The following ZNF385B variants were observed in gnomAD, a reference collection of about 807,000 sequenced individuals.
ZNF385B encodes the protein zinc finger protein 385B, also known as zinc finger protein 533.
ZNF385B carries 23 observed loss-of-function variants against 39.2 expected under a neutral mutation model. That is an observed-to-expected ratio of 0.59 (90% confidence interval 0.42 to 0.83). ZNF385B has a LOEUF of 0.83. ZNF385B is among the 40% of genes least tolerant of loss of function. The pLI is 0.00. For synonymous variants in ZNF385B, 205 were observed against 222.6 expected (o/e 0.92, Z 0.70); for missense variants, 552 against 598.9 (o/e 0.92, Z 0.82).
At chr2:179,757,437 C>G (rs1050167079) in intron 3 of ZNF385B, among the ~76,000 whole-genome samples, 2 of 152,182 alleles carry the variant, frequency 1.3e-5, no homozygotes, top group South Asian at 4.1e-4. Flanking sequence ...GCAGTCTGCC[C>G]GTTCTCAGGT....
chr2:179,493,782 C>CATATATGTATATGA lies in ZNF385B; in HGVS notation c.553-10349_553-10348insTCATATACATATAT, dbSNP rs1559338426. Among the ~76,000 whole-genome samples, 5 of 89,526 alleles carry CATATATGTATATGA rather than the reference C, an allele frequency of 5.6e-5. 1 individual carries two copies. Among genetic ancestry groups the CATATATGTATATGA allele is most frequent in the South Asian group, 3.9e-4 (1 of 2,576 alleles). The allele number at this position is 89,526 out of a possible 152,430, so 58.7% of individuals were successfully genotyped here. ...ATATATGTATACATATATGTATATA[C>CATATATGTATATGA]ACATATGTATACATATATGTATATA... On this transcript the variant is annotated intron_variant, in intron 5 of 9. Transcript: ENST00000410066.
rs116818695 is a variant in ZNF385B, at chr2:179,489,192, C to T, written c.553-5758G>A. 2.0e-3 allele frequency among the ~76,000 whole-genome samples: 311 copies of T among 152,290 alleles called. 3 individuals are homozygous for T. The highest frequency in any genetic ancestry group is 7.3e-3 in the African/African-American group (303 of 41,556). On this transcript the variant is annotated intron_variant, in intron 5 of 9. Coordinates refer to ENST00000410066, the MANE Select transcript of ZNF385B (RefSeq NM_152520.6). Reference sequence around the variant, plus strand: ...AAGGTATTACGGGCAAAGGGAACAACATGTGCTAGGGCACTGAGTCCTGTG... The same window carrying T: ...AAGGTATTACGGGCAAAGGGAACAATATGTGCTAGGGCACTGAGTCCTGTG...
At chr2:179,756,538 TGGG>T (rs1703033360) in intron 3 of ZNF385B, among the ~76,000 whole-genome samples, 1 of 152,224 alleles carries the variant, frequency 6.6e-6, no homozygotes, top group African/African-American at 2.4e-5. Flanking sequence ...CTTGCTAGGT[TGGG>T]GAAGTTCTCC....
intron 8 of ZNF385B, 84 bp from the exon 9 acceptor site, chr2:179,445,061 T>C (rs2049335612): frequency 8.6e-7 from 1 of 1,163,908 alleles, no homozygotes; most frequent in Non-Finnish European, 1.3e-6. Flanking sequence ...ATTTTCTCCA[T>C]TGCCAACTCT....
At chr2:179,527,920 G>C (rs1000732160) in intron 4 of ZNF385B, among the ~76,000 whole-genome samples, 1 of 151,470 alleles carries the variant, frequency 6.6e-6, no homozygotes, top group Non-Finnish European at 1.5e-5. Flanking sequence ...TATTTTCAGA[G>C]GGTTGTAAGT....
At chr2:179,701,853 G>A (rs1327098279) in intron 3 of ZNF385B, among the ~76,000 whole-genome samples, 1 of 152,098 alleles carries the variant, frequency 6.6e-6, no homozygotes, top group African/African-American at 2.4e-5. Context: ...CTAGAAAATA[G>A]GTACATCTCT....
In ZNF385B at chr2:179,829,805, G is replaced by A. The variant is rs755202797; in HGVS notation, c.-155+31296C>T. Among the ~76,000 whole-genome samples the A allele has an allele frequency of 4.6e-5, 7 of 152,158 alleles. No individual in the cohort carries two copies. The East Asian group carries it at 9.6e-4, about 21-fold the overall frequency. ...TGGGATTACAGGCGTGACCCACCGC[G>A]CCCGGCCTGGATATGACTTTTTAGA... On this transcript the variant is annotated intron_variant, in intron 1 of 9. Coordinates refer to ENST00000410066, the MANE Select transcript of ZNF385B (RefSeq NM_152520.6).
At chr2:179,778,704 C>T (rs934031132) in intron 1 of ZNF385B, among the ~76,000 whole-genome samples, 1 of 152,100 alleles carries the variant, frequency 6.6e-6, no homozygotes, top group African/African-American at 2.4e-5. Context: ...CATCTAGACA[C>T]ATTTTTGAAA....
At chr2:179,451,531 T>C (rs2050157237) in intron 6 of ZNF385B, among the ~76,000 whole-genome samples, 1 of 152,072 alleles carries the variant, frequency 6.6e-6, no homozygotes, top group Non-Finnish European at 1.5e-5. Context: ...GTTTAACACT[T>C]ACATGGTCTA....
chr2:179,845,920 C>T (rs1468217589), intron 1 of ZNF385B, among the ~76,000 whole-genome samples: 1 of 152,188 alleles, frequency 6.6e-6, no homozygotes, highest in South Asian at 2.1e-4. Flanking sequence ...TGTCATGTGG[C>T]TAGCAGGACT....
rs558576390 is a variant in ZNF385B at position 179,627,420 on chromosome 2, G to A, written c.299-82451C>T. Among the ~76,000 whole-genome samples the A allele has an allele frequency of 2.6e-5, 4 of 152,312 alleles. No individual in the cohort carries two copies. The South Asian group carries it at 8.3e-4, about 32-fold the overall frequency. ...CTGATTTAATCCTTGTCTTGATGTA[G>A]TAGGAATTATCCTCATTTTAAGAGG... On this transcript the variant is annotated intron_variant, in intron 3 of 9. Transcript: ENST00000410066.
In ZNF385B at chr2:179,553,241, T is replaced by A. The variant is rs1312988457; in HGVS notation, c.299-8272A>T. Among the ~76,000 whole-genome samples, 8 of 149,000 alleles carry A rather than the reference T, an allele frequency of 5.4e-5. 1 individual carries two copies. The highest frequency in any genetic ancestry group is 2.0e-4 in the Admixed American group (3 of 14,966). On this transcript the variant is annotated intron_variant, in intron 3 of 9. Transcript: ENST00000410066. ...GGAATTAGTTGAAACTTATTTGACC[T>A]TAGTGTAGTATCTGATACTTAAATA...
intron 3 of ZNF385B, among the ~76,000 whole-genome samples, chr2:179,760,223 C>CGCGCGTGT (rs11282329): frequency 0.011 from 1,616 of 144,528 alleles, 22 homozygotes; most frequent in Admixed American, 0.019. Flanking sequence ...TTCCTGTGTG[C>CGCGCGTGT]GTGTGTGTGT....
rs143903341 is a variant in ZNF385B at position 179,696,272 on chromosome 2, A to G, written c.298+73231T>C. On this transcript the variant is annotated intron_variant, in intron 3 of 9. Coordinates refer to ENST00000410066, the MANE Select transcript of ZNF385B (RefSeq NM_152520.6). ...TATGTCACATACATTATATTTCACTAAATATGTTTAAAAAGAAAAGAAATT... is the reference window on the plus strand; with the variant it reads ...TATGTCACATACATTATATTTCACTGAATATGTTTAAAAAGAAAAGAAATT... Among the ~76,000 whole-genome samples, 103 of 148,226 alleles carry G rather than the reference A, an allele frequency of 6.9e-4. No homozygotes were observed. In the East Asian group the frequency reaches 0.02, roughly 29 times the overall value.
chr2:179,708,568 C>T (rs17499156), intron 3 of ZNF385B, among the ~76,000 whole-genome samples: 25,502 of 152,088 alleles, frequency 0.17, 2,557 homozygotes, highest in East Asian at 0.5. Context: ...GTGGGAAGAC[C>T]GCTACCAAAA....
At chr2:179,450,651 G>A (rs2105580751) in intron 6 of ZNF385B, among the ~76,000 whole-genome samples, 1 of 152,112 alleles carries the variant, frequency 6.6e-6, no homozygotes, top group Middle Eastern at 3.4e-3. Context: ...CACTGTTGGT[G>A]GGACTGTAAA....
At chr2:179,689,203 C>CT (rs1406410853) in intron 3 of ZNF385B, among the ~76,000 whole-genome samples, 3 of 152,268 alleles carry the variant, frequency 2.0e-5, no homozygotes, top group East Asian at 3.9e-4. Context: ...CTTTAGGACT[C>CT]TAACACTCTA....
At chr2:179,830,824 A>G (rs1444427432) in intron 1 of ZNF385B, among the ~76,000 whole-genome samples, 1 of 152,228 alleles carries the variant, frequency 6.6e-6, no homozygotes, top group African/African-American at 2.4e-5. Flanking sequence ...TAGACTGTAC[A>G]ACACAAAGAG....
chr2:179,699,561 T>A (rs56082800), intron 3 of ZNF385B, among the ~76,000 whole-genome samples: 16,553 of 152,264 alleles, frequency 0.11, 1,168 homozygotes, highest in South Asian at 0.17. Context: ...ATTTCTTATT[T>A]GATTGGATAA....
Sources: allele counts gnomAD v4.1 joint callset (sites outside exome capture counted in the v4.1 genomes callset), GRCh38; gene constraint gnomAD v4.1.1; transcripts MANE v1.5; gene names NCBI Gene and HGNC (gene_info 2026-07-23, HGNC 2026-07-21).